The following NEGR1 variants were observed in gnomAD, a reference collection of about 807,000 sequenced individuals.
NEGR1 encodes the protein IgLON family member 4.
NEGR1 carries 10 observed loss-of-function variants against 40.9 expected under a neutral mutation model. That is an observed-to-expected ratio of 0.24 (90% confidence interval 0.15 to 0.42). The LOEUF (loss-of-function observed/expected upper bound fraction) is 0.42, where lower values mean the gene tolerates loss of function less well. Among genes scored for constraint, NEGR1 ranks in the 10% least tolerant of loss-of-function variants. The probability of loss-of-function intolerance (pLI) is 1.00; values close to 1 mark genes in which losing one functional copy is unlikely to be tolerated. For synonymous variants in NEGR1, 185 were observed against 166.8 expected (o/e 1.11, Z -0.84); for missense variants, 352 against 438.9 (o/e 0.80, Z 1.77).
chr1:71,761,315 T>C (rs1655932396), intron 3 of NEGR1, among the ~76,000 whole-genome samples: 1 of 152,130 alleles, frequency 6.6e-6, no homozygotes, highest in African/African-American at 2.4e-5. Context: ...ATGAGCATGG[T>C]GATGTTCAGT....
intron 4 of NEGR1, among the ~76,000 whole-genome samples, chr1:71,680,609 T>A (rs1469614808): frequency 6.6e-6 from 1 of 152,126 alleles, no homozygotes. Flanking sequence ...CATTTCTGTT[T>A]TAATTTTTGA....
At chr1:71,524,115 T>C (rs1047651701) in intron 6 of NEGR1, among the ~76,000 whole-genome samples, 1 of 151,852 alleles carries the variant, frequency 6.6e-6, no homozygotes, top group Non-Finnish European at 1.5e-5. Context: ...CAGAATCCTA[T>C]GTCCAGGAAA....
chr1:71,427,230 C>T (rs1646434552), intron 6 of NEGR1, among the ~76,000 whole-genome samples: 1 of 152,208 alleles, frequency 6.6e-6, no homozygotes, highest in African/African-American at 2.4e-5. Context: ...ATGACCCAGA[C>T]TGTAATGTGC....
chr1:72,255,879 T>C (rs547004759), intron 1 of NEGR1, among the ~76,000 whole-genome samples: 15 of 152,272 alleles, frequency 9.9e-5, no homozygotes, highest in African/African-American at 3.6e-4. Flanking sequence ...CACTAAAGCT[T>C]ACATGGAAAT....
chr1:71,471,063 A>G (rs1003552550), intron 6 of NEGR1, among the ~76,000 whole-genome samples: 6 of 152,096 alleles, frequency 3.9e-5, no homozygotes, highest in Admixed American at 1.3e-4. Flanking sequence ...ATAAAACACA[A>G]TTCTCATCAA....
chr1:71,487,840 CAATAT>C (rs1316660786), intron 6 of NEGR1, among the ~76,000 whole-genome samples: 2 of 151,562 alleles, frequency 1.3e-5, no homozygotes, highest in African/African-American at 2.4e-5. Context: ...ATTTTCTTTA[CAATAT>C]AATATATTTG....
At chr1:72,216,012 T>C (rs1049477465) in intron 1 of NEGR1, among the ~76,000 whole-genome samples, 1 of 151,888 alleles carries the variant, frequency 6.6e-6, no homozygotes, top group African/African-American at 2.4e-5. Context: ...TATACACCAC[T>C]GAATACTATG....
chr1:71,696,123 T>G (rs961963209), intron 4 of NEGR1, among the ~76,000 whole-genome samples: 1 of 151,754 alleles, frequency 6.6e-6, no homozygotes, highest in African/African-American at 2.4e-5. Flanking sequence ...GCGTTCCTGG[T>G]ATCTTTTTTA....
At chr1:71,493,056 C>T (rs1237762935) in intron 6 of NEGR1, among the ~76,000 whole-genome samples, 1 of 152,080 alleles carries the variant, frequency 6.6e-6, no homozygotes, top group East Asian at 1.9e-4. Flanking sequence ...TTCATACTCC[C>T]CATCTAGCCA....
At chr1:71,787,456 G>A (rs575481754) in intron 2 of NEGR1, among the ~76,000 whole-genome samples, 1 of 152,120 alleles carries the variant, frequency 6.6e-6, no homozygotes, top group South Asian at 2.1e-4. Context: ...GATTGATGGG[G>A]CCAGGTAGAG....
intron 2 of NEGR1, among the ~76,000 whole-genome samples, chr1:71,875,191 T>C (rs1023478385): frequency 6.6e-5 from 10 of 152,124 alleles, no homozygotes; most frequent in African/African-American, 2.2e-4. Flanking sequence ...ACATCACAAA[T>C]GCAAATATAA....
At chr1:72,004,878 CA>C (rs1646592497) in intron 1 of NEGR1, among the ~76,000 whole-genome samples, 1 of 152,016 alleles carries the variant, frequency 6.6e-6, no homozygotes, top group African/African-American at 2.4e-5. Context: ...AGAAGCAAAA[CA>C]AAGGCAAAAG....
At chr1:72,110,398 G>T (rs1460781910) in intron 1 of NEGR1, among the ~76,000 whole-genome samples, 1 of 151,384 alleles carries the variant, frequency 6.6e-6, no homozygotes, top group East Asian at 2.0e-4. Context: ...AACTTGATAG[G>T]TTTAAGTAAA....
intron 6 of NEGR1, among the ~76,000 whole-genome samples, chr1:71,459,743 A>G (rs992389008): frequency 6.6e-6 from 1 of 152,136 alleles, no homozygotes; most frequent in Non-Finnish European, 1.5e-5. Flanking sequence ...TTCTTTGCAC[A>G]ATTTATTACT....
intron 6 of NEGR1, among the ~76,000 whole-genome samples, chr1:71,460,418 A>C (rs1646706641): frequency 1.3e-5 from 2 of 152,156 alleles, no homozygotes; most frequent in Non-Finnish European, 2.9e-5. Flanking sequence ...AGTGACTCCC[A>C]TCTTACATTT....
At chr1:71,835,305 CAG>C (rs1162929681) in intron 2 of NEGR1, among the ~76,000 whole-genome samples, 4 of 152,192 alleles carry the variant, frequency 2.6e-5, no homozygotes, top group African/African-American at 9.6e-5. Flanking sequence ...AATGGGCAAA[CAG>C]ACTCTATCTC....
chr1:71,756,754 G>A (rs1204439171), intron 3 of NEGR1, among the ~76,000 whole-genome samples: 10 of 151,828 alleles, frequency 6.6e-5, no homozygotes, highest in Admixed American at 6.6e-4. Flanking sequence ...CTATGATGAT[G>A]CATGGGTGTA....
At chr1:71,813,401 T>C (rs1455610679) in intron 2 of NEGR1, among the ~76,000 whole-genome samples, 1 of 152,112 alleles carries the variant, frequency 6.6e-6, no homozygotes, top group African/African-American at 2.4e-5. Flanking sequence ...TTTACGGTTG[T>C]CTTCCCTATA....
At chr1:71,912,350 T>C (rs1277972542) in intron 2 of NEGR1, among the ~76,000 whole-genome samples, 1 of 152,216 alleles carries the variant, frequency 6.6e-6, no homozygotes, top group Non-Finnish European at 1.5e-5. Context: ...TATATTTTTC[T>C]TCTACTTATA....
Sources: gnomAD v4.1 joint callset for allele counts (sites outside exome capture counted in the v4.1 genomes callset) on GRCh38, gnomAD v4.1.1 for gene constraint, MANE v1.5 for transcripts, NCBI Gene and HGNC (gene_info 2026-07-23, HGNC 2026-07-21) for gene names.